The following ANXA11 variants were observed in gnomAD, a reference collection of about 807,000 sequenced individuals.
ANXA11 encodes the protein 56 kDa autoantigen.
Under a neutral mutation model 64.7 loss-of-function variants are expected in ANXA11, and 57 were observed. The ratio of observed to expected loss-of-function variants is 0.88; its 90% CI spans 0.71 to 1.10. The LOEUF (loss-of-function observed/expected upper bound fraction) is 1.10. Among genes scored for constraint, ANXA11 ranks in the 50% least tolerant of loss-of-function variants. The pLI is 0.00. For synonymous variants in ANXA11, 260 were observed against 265.2 expected (o/e 0.98, Z 0.19); for missense variants, 675 against 670.7 (o/e 1.01, Z -0.07).
intron 2 of ANXA11, among the ~76,000 whole-genome samples, chr10:80,175,649 G>T (rs1249632661): frequency 6.6e-6 from 1 of 152,034 alleles, no homozygotes; most frequent in Non-Finnish European, 1.5e-5. Flanking sequence ...ATAAGAAAAA[G>T]ATCAATAACC....
intron 3 of ANXA11, chr10:80,171,691 A>C: frequency 5.1e-6 from 5 of 985,482 alleles, no homozygotes; most frequent in Non-Finnish European, 6.0e-6. Context: ...TTTCCTCTAC[A>C]TGGCAGCTTC....
intron 11 of ANXA11, among the ~76,000 whole-genome samples, chr10:80,162,692 G>A (rs1845561610): frequency 6.6e-6 from 1 of 152,240 alleles, no homozygotes; most frequent in Non-Finnish European, 1.5e-5. Flanking sequence ...AGATGGTAGA[G>A]ATAATTTAGA....
chr10:80,197,941 C>G (rs1840246577), intron 1 of ANXA11, among the ~76,000 whole-genome samples: 1 of 151,996 alleles, frequency 6.6e-6, no homozygotes, highest in African/African-American at 2.4e-5. Context: ...AAAAAATAAC[C>G]CCTATCCCAC....
intron 1 of ANXA11, among the ~76,000 whole-genome samples, chr10:80,199,994 G>C (rs1254116129): frequency 2.0e-5 from 3 of 152,234 alleles, no homozygotes; most frequent in Non-Finnish European, 4.4e-5. Context: ...TCATCTTGCT[G>C]TCTGGAATGA....
intron 1 of ANXA11, among the ~76,000 whole-genome samples, chr10:80,190,871 G>A (rs1589448206): frequency 6.6e-6 from 1 of 151,428 alleles, no homozygotes; most frequent in African/African-American, 2.4e-5. Context: ...TGGGCGGACT[G>A]CATGAGGCCA....
At chr10:80,195,827 A>AGGGT (rs1840134115) in intron 1 of ANXA11, 2 of 153,484 alleles carry the variant, frequency 1.3e-5, no homozygotes, top group Non-Finnish European at 2.9e-5. Context: ...GTGCAGGGAA[A>AGGGT]TTTCCCTTTA....
In ANXA11 at chr10:80,164,050, C is replaced by T. The variant is rs765713577; in HGVS notation, c.949+3G>A. 1.9e-6 allele frequency: 3 copies of T among 1,613,644 alleles called. No homozygotes were observed. The South Asian group carries it at 3.3e-5, about 18-fold the overall frequency. On this transcript the variant is annotated splice_donor_region_variant and intron_variant, in intron 9 of 15. Transcript: ENST00000422982. ...GGGCAGAGGGCAGAGGGAGCGGCCT[C>T]ACCTGCTTTGTAGGCTCTGTTTAAT...
chr10:80,169,444 G>A (rs191325348), intron 4 of ANXA11, 86 bp from the exon 5 acceptor site: 1 of 1,465,886 alleles, frequency 6.8e-7, no homozygotes, highest in Non-Finnish European at 9.3e-7. Flanking sequence ...AGCCAAGTCA[G>A]TCCTCACAGC....
At chr10:80,199,039 G>A (rs1029925521) in intron 1 of ANXA11, among the ~76,000 whole-genome samples, 1 of 150,624 alleles carries the variant, frequency 6.6e-6, no homozygotes, top group Non-Finnish European at 1.5e-5. Flanking sequence ...CCTCAACCAC[G>A]TTCTGATTAT....
chr10:80,156,930 T>G, intron 15 of ANXA11: 4 of 925,366 alleles, frequency 4.3e-6, no homozygotes, highest in Non-Finnish European at 5.2e-6. Context: ...GTGGTCCCCA[T>G]GGTGCAATTG....
intron 15 of ANXA11, chr10:80,156,645 G>A: frequency 5.7e-6 from 2 of 348,372 alleles, no homozygotes; most frequent in South Asian, 4.3e-5. Context: ...TACCTAATTA[G>A]CTGGGATTAC....
At chr10:80,157,480 A>G in intron 15 of ANXA11, 161 bp downstream of exon 15, 1 of 985,352 alleles carries the variant, frequency 1.0e-6, no homozygotes, top group Non-Finnish European at 1.2e-6. Flanking sequence ...TCAGAAATTT[A>G]TAATCTGTTT....
intron 2 of ANXA11, among the ~76,000 whole-genome samples, chr10:80,175,548 C>G (rs1846139575): frequency 6.6e-6 from 1 of 151,480 alleles, no homozygotes; most frequent in Non-Finnish European, 1.5e-5. Context: ...GCCCCAAAAA[C>G]CAACGACATA....
At chr10:80,167,118 T>C (rs1845776638) in intron 6 of ANXA11, 108 bp downstream of exon 6, 4 of 1,304,946 alleles carry the variant, frequency 3.1e-6, no homozygotes, top group Non-Finnish European at 3.3e-6. Flanking sequence ...CTATCACCAC[T>C]GGGGCCAGGT....
At chr10:80,157,045 A>C in intron 15 of ANXA11, 1 of 985,386 alleles carries the variant, frequency 1.0e-6, no homozygotes, top group Non-Finnish European at 1.2e-6. Context: ...GCTAGTGTTT[A>C]ATAGACACTT....
rs1442045758 is a variant in ANXA11, at chr10:80,164,060, G to A, written c.942C>T (p.Tyr314=). ...NEHIRELNRA[Y]KAEFKKTLEE... ...CAGAGGGAGCGGCCTCACCTGCTTTGTAGGCTCTGTTTAATTCTCGGATGT... is the reference window on the plus strand; with the variant it reads ...CAGAGGGAGCGGCCTCACCTGCTTTATAGGCTCTGTTTAATTCTCGGATGT... The change falls in exon 9 of 16, where the codon TAC becomes TAT. Residue 314 remains tyrosine, a synonymous_variant. Transcript: ENST00000422982. 4 of 1,613,996 alleles carry A rather than the reference G, an allele frequency of 2.5e-6. No homozygotes were observed. Among genetic ancestry groups the A allele is most frequent in the Non-Finnish European group, 2.5e-6 (3 of 1,179,888 alleles).
rs1441435793 is a variant in ANXA11, at chr10:80,153,028, G to A, written c.*2825C>T. On this transcript the variant is annotated 3_prime_UTR_variant, in exon 16 of 16. Coordinates refer to ENST00000422982, the MANE Select transcript of ANXA11 (RefSeq NM_145868.2). ...ACACAAGCAGGTTATATAACAAGTGGAGTATACGCCTGTGACCTAAACTCG... is the reference window on the plus strand; with the variant it reads ...ACACAAGCAGGTTATATAACAAGTGAAGTATACGCCTGTGACCTAAACTCG... 6.6e-6 allele frequency: 1 copy of A among 152,234 alleles called. No homozygotes were observed. The highest frequency in any genetic ancestry group is 1.5e-5 in the Non-Finnish European group (1 of 68,054). 9.4% of individuals were successfully genotyped at this position (152,234 alleles called of 1,614,324 possible).
upstream of ANXA11, chr10:80,205,585 G>C (rs1348666571): frequency 6.6e-6 from 1 of 152,032 alleles, no homozygotes; most frequent in Non-Finnish European, 1.5e-5. Context: ...GGGAGGGGCG[G>C]GGCCTGAGCG....
chr10:80,171,038 G>C, intron 3 of ANXA11, 123 bp from the exon 4 acceptor site: 1 of 1,523,734 alleles, frequency 6.6e-7, no homozygotes, highest in Non-Finnish European at 8.8e-7. Context: ...CTCGAGCCTC[G>C]GGACACCACA....
Sources: allele counts gnomAD v4.1 joint callset (sites outside exome capture counted in the v4.1 genomes callset), GRCh38; gene constraint gnomAD v4.1.1; transcripts MANE v1.5; gene names NCBI Gene and HGNC (gene_info 2026-07-23, HGNC 2026-07-21).